CYRIB: variants seen among roughly 807,000 people sequenced by gnomAD.
CYRIB encodes CYFIP-related Rac1 interactor B.
A neutral mutation model predicts 44.2 loss-of-function variants in CYRIB; 8 were observed. The observed-to-expected ratio is 0.18, with a 90% confidence interval of 0.11 to 0.33. CYRIB has a LOEUF of 0.33. Ranked by LOEUF, CYRIB falls within the 10% of genes least tolerant of loss-of-function variation. The pLI is 1.00. For synonymous variants in CYRIB, 131 were observed against 127.2 expected, an observed-to-expected ratio of 1.03 and a Z score of -0.20; for missense variants, 185 against 382.8, an observed-to-expected ratio of 0.48 and a Z score of 4.31.
chr8:129,988,317 G>A (rs939784810), intron 1 of CYRIB, among the ~76,000 whole-genome samples: 2 of 152,138 alleles, frequency 1.3e-5, no homozygotes, highest in African/African-American at 4.8e-5. Context: ...GTAGCCTTGC[G>A]CCCTGGGACT....
At chr8:129,856,245 T>C (rs2046165070) in intron 5 of CYRIB, among the ~76,000 whole-genome samples, 1 of 152,194 alleles carries the variant, frequency 6.6e-6, no homozygotes, top group Non-Finnish European at 1.5e-5. Flanking sequence ...TTTCAGCTAC[T>C]AAAGAGAACA....
At chr8:129,917,559 T>G (rs2136803482) in intron 1 of CYRIB, among the ~76,000 whole-genome samples, 1 of 152,218 alleles carries the variant, frequency 6.6e-6, no homozygotes. Flanking sequence ...ATTTCCAAGA[T>G]TTCTCTTAAA....
At chr8:129,906,572 CAATGGCAACAAAAGA>C (rs1404884270) in intron 1 of CYRIB, among the ~76,000 whole-genome samples, 1 of 152,142 alleles carries the variant, frequency 6.6e-6, no homozygotes, top group East Asian at 1.9e-4. Context: ...ACACCAAAAG[CAATGGCAACAAAAGA>C]CAAAATTGAC....
At chr8:129,863,153 T>C (rs148040386) in intron 4 of CYRIB, among the ~76,000 whole-genome samples, 222 of 152,264 alleles carry the variant, frequency 1.5e-3, no homozygotes, top group African/African-American at 4.8e-3. Flanking sequence ...AAATTTCCAA[T>C]AATTAAAATT....
intron 2 of CYRIB, among the ~76,000 whole-genome samples, chr8:129,963,691 T>G (rs1591295103): frequency 6.6e-6 from 1 of 152,234 alleles, no homozygotes; most frequent in African/African-American, 2.4e-5. Context: ...CATCCCACGT[T>G]GCACAGAAGG....
chr8:129,987,298 G>A (rs1392026031), intron 1 of CYRIB, among the ~76,000 whole-genome samples: 1 of 152,202 alleles, frequency 6.6e-6, no homozygotes, highest in Non-Finnish European at 1.5e-5. Context: ...GCTACCTTGA[G>A]TTTGGTTACT....
chr8:129,922,087 C>CCTGTTATGGTTAGTGTGCACTAACCTG (rs1411148746), intron 1 of CYRIB, among the ~76,000 whole-genome samples: 3 of 152,202 alleles, frequency 2.0e-5, no homozygotes, highest in African/African-American at 7.2e-5. Flanking sequence ...ACTGCACTAA[C>CCTGTTATGGTTAGTGTGCACTAACCTG]CACACTGTTA....
chr8:129,876,934 A>G (rs1165626065), intron 3 of CYRIB, among the ~76,000 whole-genome samples: 3 of 152,270 alleles, frequency 2.0e-5, no homozygotes, highest in African/African-American at 4.8e-5. Context: ...GAATTAGCAG[A>G]TAACTATGTT....
intron 1 of CYRIB, among the ~76,000 whole-genome samples, chr8:129,938,725 G>A (rs2093250338): frequency 6.6e-6 from 1 of 152,088 alleles, no homozygotes; most frequent in South Asian, 2.1e-4. Context: ...CAAGTGAGGA[G>A]GAATCCAGAG....
chr8:129,914,966 G>A (rs908148364), intron 1 of CYRIB, among the ~76,000 whole-genome samples: 4 of 151,930 alleles, frequency 2.6e-5, no homozygotes, highest in Admixed American at 2.0e-4. Context: ...CAACACCATC[G>A]GGCACTAGAG....
chr8:129,853,961 T>A (rs1464579016), intron 7 of CYRIB, among the ~76,000 whole-genome samples: 1 of 152,214 alleles, frequency 6.6e-6, no homozygotes, highest in African/African-American at 2.4e-5. Flanking sequence ...CTCGTAACTA[T>A]GAATTCACAG....
At chr8:129,975,411 C>A (rs1002929176) in intron 1 of CYRIB, among the ~76,000 whole-genome samples, 11 of 152,356 alleles carry the variant, frequency 7.2e-5, no homozygotes, top group African/African-American at 2.6e-4. Flanking sequence ...GTTTTATCCA[C>A]AGTTCTGTAC....
chr8:129,919,034 T>C (rs2082184662), intron 1 of CYRIB, among the ~76,000 whole-genome samples: 1 of 152,230 alleles, frequency 6.6e-6, no homozygotes, highest in Admixed American at 6.5e-5. Context: ...AATTATTTTA[T>C]TTTACTTATT....
At chr8:129,944,764 C>G (rs139230288), upstream of CYRIB, among the ~76,000 whole-genome samples, 1 of 151,424 alleles carries the variant, frequency 6.6e-6, no homozygotes, top group African/African-American at 2.4e-5. Context: ...GCCTGGGCAA[C>G]GCAGTAAGAC....
At chr8:130,014,546 G>A (rs972396142) in intron 1 of CYRIB, among the ~76,000 whole-genome samples, 5 of 152,236 alleles carry the variant, frequency 3.3e-5, no homozygotes, top group East Asian at 1.9e-4. Context: ...CGGGAGTTGG[G>A]GGACCCACAT....
At chr8:129,908,464 T>C (rs2076529476) in intron 1 of CYRIB, among the ~76,000 whole-genome samples, 1 of 152,214 alleles carries the variant, frequency 6.6e-6, no homozygotes, top group East Asian at 1.9e-4. Context: ...TATTTGAGCA[T>C]CTTTATTTGT....
intron 1 of CYRIB, among the ~76,000 whole-genome samples, chr8:129,921,726 C>A (rs2083716547): frequency 6.6e-6 from 1 of 152,066 alleles, no homozygotes. Flanking sequence ...TTCAACATTA[C>A]CCTATGTAAT....
intron 3 of CYRIB, among the ~76,000 whole-genome samples, chr8:129,873,089 A>G (rs931706164): frequency 2.6e-5 from 4 of 152,042 alleles, no homozygotes; most frequent in Non-Finnish European, 4.4e-5. Flanking sequence ...CAACATATGT[A>G]AAACAGTACT....
intron 1 of CYRIB, among the ~76,000 whole-genome samples, chr8:129,935,163 G>C (rs1355990680): frequency 6.6e-6 from 1 of 152,094 alleles, no homozygotes; most frequent in Non-Finnish European, 1.5e-5. Context: ...TGACATCCGG[G>C]ACTATGTCAT....
Sources: gnomAD v4.1 joint callset for allele counts (sites outside exome capture counted in the v4.1 genomes callset) on GRCh38, gnomAD v4.1.1 for gene constraint, MANE v1.5 for transcripts, NCBI Gene and HGNC (gene_info 2026-07-23, HGNC 2026-07-21) for gene names.